Variants in DNAH5 observed in about 807,000 individuals in gnomAD.
DNAH5 encodes dynein axonemal heavy chain 5, also known as axonemal beta dynein heavy chain 5.
In DNAH5, 372 loss-of-function variants were observed where a neutral mutation model predicts 518.2. The ratio of observed to expected loss-of-function variants is 0.72; its 90% CI spans 0.66 to 0.78. The LOEUF is 0.78. Among genes scored for constraint, DNAH5 ranks in the 30% least tolerant of loss-of-function variants. DNAH5 has a pLI of 0.00. For synonymous variants in DNAH5, 2,039 were observed against 2,025.9 expected (o/e 1.01, Z -0.17); for missense variants, 5,523 against 5,687.0 (o/e 0.97, Z 0.93).
intron 55 of DNAH5, among the ~76,000 whole-genome samples, chr5:13,773,920 GA>G (rs574937262): frequency 1.8e-4 from 25 of 136,816 alleles, no homozygotes; most frequent in Middle Eastern, 3.6e-3. Context: ...ACAACTGGGG[GA>G]AAAAAAAAAG....
chr5:13,868,455 A>G (rs991628070), intron 24 of DNAH5, among the ~76,000 whole-genome samples: 3 of 152,220 alleles, frequency 2.0e-5, no homozygotes, highest in Admixed American at 6.5e-5. Context: ...GTAAGACACA[A>G]GGGAGGATTC....
rs1446320391 is a variant in DNAH5, at chr5:13,827,650, G to A, written c.6444+1860C>T. On this transcript the variant is annotated intron_variant, in intron 38 of 78. Transcript: ENST00000265104. ...CTTTGAGGGACTGTTGGAAGGGCAC[G>A]ACTGTATTATGAATTGTGAGGACAT... Among the ~76,000 whole-genome samples, 5 of 151,564 alleles carry A rather than the reference G, an allele frequency of 3.3e-5. No individual in the cohort carries two copies. The East Asian group carries it at 5.9e-4, about 18-fold the overall frequency.
At chr5:13,739,753 G>A (rs1020451384) in intron 65 of DNAH5, among the ~76,000 whole-genome samples, 15 of 152,108 alleles carry the variant, frequency 9.9e-5, no homozygotes, top group South Asian at 2.1e-4. Context: ...AGCCCAAACC[G>A]TCACTGTTAA....
chr5:13,891,735 A>C lies in DNAH5; in HGVS notation c.2432-614T>G, dbSNP rs1471621051. On this transcript the variant is annotated intron_variant, in intron 16 of 78. Coordinates refer to ENST00000265104, the MANE Select transcript of DNAH5 (RefSeq NM_001369.3). ...CTATTCCACAAGAAGTATTCAACAA[A>C]TTTGACTAAAGTGAAAGTTCCCTAT... Among the ~76,000 whole-genome samples the C allele has an allele frequency of 2.6e-5, 4 of 152,148 alleles. No homozygotes were observed. In the East Asian group the frequency reaches 7.7e-4, roughly 29 times the overall value.
rs780952892 is a variant in DNAH5, at chr5:13,916,361, G to A, written c.1184C>T (p.Ser395Phe). 2.7e-6 allele frequency: 4 copies of A among 1,482,820 alleles called. No individual in the cohort carries two copies. Among genetic ancestry groups the A allele is most frequent in the Admixed American group, 3.4e-5 (2 of 59,472 alleles). The allele number at this position is 1,482,820 out of a possible 1,614,324, so 91.9% of individuals were successfully genotyped here. ...TCATGCACTTACCTTTACAAACAGA[G>A]ATGTGATCTTCTCAGAGGTATTATA... ...HYYNTSEKIT[S>F]LFVKVTNQII... The change falls in exon 9 of 79, where the codon TCT (serine) becomes TTT (phenylalanine). Residue 395 changes from serine (S) to phenylalanine (F), a missense_variant. By Grantham distance (155) the Ser-to-Phe change is radical. Transcript: ENST00000265104.
chr5:13,982,183 T>C (rs1405304468), intron 1 of DNAH5, among the ~76,000 whole-genome samples: 1 of 152,298 alleles, frequency 6.6e-6, no homozygotes, highest in Non-Finnish European at 1.5e-5. Flanking sequence ...TCTTATCGTA[T>C]GACAATAAAC....
chr5:13,884,791 G>T (rs370433964), intron 19 of DNAH5, among the ~76,000 whole-genome samples, 198 bp downstream of exon 19: 2 of 152,204 alleles, frequency 1.3e-5, no homozygotes, highest in African/African-American at 4.8e-5. Context: ...AGCTGAGATC[G>T]TGCCGCTACC....
chr5:13,924,615 T>C (rs1414025564), intron 3 of DNAH5, among the ~76,000 whole-genome samples: 1 of 149,980 alleles, frequency 6.7e-6, no homozygotes, highest in African/African-American at 2.5e-5. Flanking sequence ...ATGGAGGTTG[T>C]GGTCAGCCAA....
intron 56 of DNAH5, among the ~76,000 whole-genome samples, chr5:13,770,538 C>G (rs955698502): frequency 6.6e-6 from 1 of 152,114 alleles, no homozygotes; most frequent in African/African-American, 2.4e-5. Context: ...CTGGATAATT[C>G]TTTGTTGTGG....
intron 53 of DNAH5, among the ~76,000 whole-genome samples, chr5:13,778,493 A>AG (rs1302819129): frequency 0.29 from 31,427 of 107,190 alleles, 6,113 homozygotes; most frequent in Middle Eastern, 0.36. Context: ...GAAGGAAGGA[A>AG]GGAAGGGAGG....
intron 68 of DNAH5, among the ~76,000 whole-genome samples, chr5:13,733,146 T>C (rs966021747): frequency 2.0e-5 from 3 of 152,162 alleles, no homozygotes; most frequent in African/African-American, 7.2e-5. Context: ...TTCTCAATAA[T>C]CCTACTATGT....
chr5:13,958,958 T>C (rs1780962582), intron 1 of DNAH5, among the ~76,000 whole-genome samples: 1 of 151,996 alleles, frequency 6.6e-6, no homozygotes, highest in Non-Finnish European at 1.5e-5. Context: ...ACAGCCTTTT[T>C]GTTGTTGTTG....
intron 35 of DNAH5, among the ~76,000 whole-genome samples, chr5:13,834,460 TTAAGATGCAA>T (rs1332749908): frequency 6.6e-6 from 1 of 152,216 alleles, no homozygotes; most frequent in Non-Finnish European, 1.5e-5. Flanking sequence ...TTTTTCACCA[TTAAGATGCAA>T]TTTTGGAAAT....
intron 40 of DNAH5, among the ~76,000 whole-genome samples, chr5:13,822,001 G>T (rs1001380491): frequency 6.6e-6 from 1 of 152,010 alleles, no homozygotes; most frequent in African/African-American, 2.4e-5. Context: ...TCGCTATGTT[G>T]CTCAGGCTAG....
At chr5:13,865,064 C>G (rs7715986) in intron 27 of DNAH5, among the ~76,000 whole-genome samples, 61,631 of 146,908 alleles carry the variant, frequency 0.42, 13,196 homozygotes, top group South Asian at 0.47. Context: ...GTGCAATCTC[C>G]GCCCACTGCA....
At chr5:13,991,093 T>C (rs1783510905) in intron 1 of DNAH5, among the ~76,000 whole-genome samples, 1 of 152,182 alleles carries the variant, frequency 6.6e-6, no homozygotes, top group South Asian at 2.1e-4. Context: ...AGTCTTGACT[T>C]TGTCTCTCTA....
At chr5:13,905,106 T>G (rs1339187565) in intron 12 of DNAH5, among the ~76,000 whole-genome samples, 1 of 152,218 alleles carries the variant, frequency 6.6e-6, no homozygotes, top group Non-Finnish European at 1.5e-5. Flanking sequence ...GAACAATTTC[T>G]TTGGCAGATA....
At chr5:13,957,808 G>A (rs1272643191) in intron 1 of DNAH5, among the ~76,000 whole-genome samples, 2 of 151,212 alleles carry the variant, frequency 1.3e-5, no homozygotes, top group East Asian at 3.9e-4. Flanking sequence ...TCCAATACCT[G>A]TATTTTTAAA....
chr5:13,889,692 C>T (rs1293216602), intron 17 of DNAH5, among the ~76,000 whole-genome samples: 3 of 152,142 alleles, frequency 2.0e-5, no homozygotes, highest in African/African-American at 7.2e-5. Context: ...ACCTTGGGCC[C>T]TGAGTCTCTA....
Sources: allele counts gnomAD v4.1 joint callset (sites outside exome capture counted in the v4.1 genomes callset), GRCh38; gene constraint gnomAD v4.1.1; transcripts MANE v1.5; gene names NCBI Gene and HGNC (gene_info 2026-07-23, HGNC 2026-07-21).